TICAM2: variants seen among roughly 807,000 people sequenced by gnomAD.
The protein encoded by TICAM2 is TIR domain containing adaptor molecule 2.
Under a neutral mutation model 7.3 loss-of-function variants are expected in TICAM2, and 8 were observed. The observed-to-expected ratio is 1.10, with a 90% CI of 0.65 to 1.99. TICAM2 has a LOEUF of 1.99. Ranked by LOEUF, TICAM2 falls within the 30% of genes most tolerant of loss-of-function variation. TICAM2 has a pLI of 0.00. For synonymous variants in TICAM2, 113 were observed against 99.6 expected (o/e 1.13, Z -0.80); for missense variants, 304 against 278.8 (o/e 1.09, Z -0.65).
chr5:115,582,078 C>T (rs1270420725), intron 1 of TICAM2, among the ~76,000 whole-genome samples: 1 of 152,158 alleles, frequency 6.6e-6, no homozygotes. Context: ...AGACTTGAGA[C>T]TTTCTCCAGT....
chr5:115,582,498 A>G (rs1754965795), intron 1 of TICAM2, among the ~76,000 whole-genome samples: 1 of 152,098 alleles, frequency 6.6e-6, no homozygotes, highest in Non-Finnish European at 1.5e-5. Context: ...ATTTAAAAAA[A>G]TTCTAAATTC....
chr5:115,601,683 A>G (rs1755750247), intron 1 of TICAM2, among the ~76,000 whole-genome samples: 1 of 152,188 alleles, frequency 6.6e-6, no homozygotes, highest in South Asian at 2.1e-4. Flanking sequence ...CAGTCAAATT[A>G]TTTTTATCCA....
intron 1 of TICAM2, among the ~76,000 whole-genome samples, chr5:115,595,902 C>A (rs1452522588): frequency 6.6e-6 from 1 of 152,190 alleles, no homozygotes; most frequent in African/African-American, 2.4e-5. Flanking sequence ...GAATTAAGTA[C>A]TCATCCTCTG....
At chr5:115,586,700 A>G (rs1755119183) in intron 1 of TICAM2, among the ~76,000 whole-genome samples, 1 of 152,200 alleles carries the variant, frequency 6.6e-6, no homozygotes, top group African/African-American at 2.4e-5. Context: ...TTTTTCGTTC[A>G]TATCTGAACA....
chr5:115,584,257 A>T (rs908940363), intron 1 of TICAM2, among the ~76,000 whole-genome samples: 1 of 152,208 alleles, frequency 6.6e-6, no homozygotes, highest in Admixed American at 6.5e-5. Context: ...ATCATTATTC[A>T]TATGTATACA....
chr5:115,593,746 T>C (rs1008008070), intron 1 of TICAM2, among the ~76,000 whole-genome samples: 1 of 152,212 alleles, frequency 6.6e-6, no homozygotes, highest in Admixed American at 6.5e-5. Flanking sequence ...ATGGGAGGAC[T>C]TGTTCTATTG....
chr5:115,590,056 G>A (rs1179111463), intron 1 of TICAM2, among the ~76,000 whole-genome samples: 1 of 152,112 alleles, frequency 6.6e-6, no homozygotes, highest in African/African-American at 2.4e-5. Context: ...AAATAATTAT[G>A]TGAATATAGG....
Position 115,580,601 on chromosome 5 carries a change from T to G in TICAM2, c.656A>C (p.Gln219Pro). 6.3e-7 allele frequency: 1 copy of G among 1,599,438 alleles called. No homozygotes were observed. Among genetic ancestry groups the G allele is most frequent in the Non-Finnish European group, 8.5e-7 (1 of 1,175,948 alleles). Residue 219 changes from glutamine to proline, a missense_variant, in exon 2 of 2, where the codon CAA becomes CCA. Coordinates refer to ENST00000427199, the MANE Select transcript of TICAM2 (RefSeq NM_021649.7). Reference protein sequence around the residue: ...IFQESVYKTQQTIWKETRNMV... With the variant: ...IFQESVYKTQPTIWKETRNMV... Reference sequence around the variant, plus strand: ...ATTTCTTGTCTCTTTCCATATAGTTTGTTGTGTCTTATACACAGACTCCTG... The same window carrying G: ...ATTTCTTGTCTCTTTCCATATAGTTGGTTGTGTCTTATACACAGACTCCTG...
chr5:115,590,410 C>T (rs1372516879), intron 1 of TICAM2, among the ~76,000 whole-genome samples: 1 of 152,106 alleles, frequency 6.6e-6, no homozygotes, highest in African/African-American at 2.4e-5. Flanking sequence ...CATTATCTAA[C>T]TATGAAGAAA....
In TICAM2 at chr5:115,584,534, T is replaced by A. The variant is rs540295578; in HGVS notation, c.-59-3219A>T. The stretch of plus-strand genomic sequence containing the variant: ...GTGTGCAAGTTTATCTATAGAACAA[T>A]TCCCCCAATGGGATTTCCATTTGTA... On this transcript the variant is annotated intron_variant, in intron 1 of 1. Coordinates refer to ENST00000427199, the MANE Select transcript of TICAM2 (RefSeq NM_021649.7). 8.5e-5 allele frequency among the ~76,000 whole-genome samples: 13 copies of A among 152,312 alleles called. No homozygotes were observed. The East Asian group carries it at 2.5e-3, about 29-fold the overall frequency.
At chr5:115,592,567 C>T (rs1217598882) in intron 1 of TICAM2, among the ~76,000 whole-genome samples, 1 of 151,798 alleles carries the variant, frequency 6.6e-6, no homozygotes, top group African/African-American at 2.4e-5. Flanking sequence ...AATCCAGGTT[C>T]AAATAGTAGC....
At chr5:115,598,162 T>C (rs1412307333) in intron 1 of TICAM2, among the ~76,000 whole-genome samples, 2 of 152,190 alleles carry the variant, frequency 1.3e-5, no homozygotes, top group Non-Finnish European at 2.9e-5. Context: ...AGGTCAATAA[T>C]TGTCAACAAT....
At chr5:115,598,948 G>A (rs952254184) in intron 1 of TICAM2, among the ~76,000 whole-genome samples, 2 of 151,810 alleles carry the variant, frequency 1.3e-5, no homozygotes, top group African/African-American at 4.8e-5. Flanking sequence ...GAGAACTGGA[G>A]CCAGATGCAG....
intron 1 of TICAM2, 96 bp downstream of exon 1, chr5:115,602,001 G>C (rs1044560581): frequency 6.6e-6 from 1 of 152,130 alleles, no homozygotes; most frequent in African/African-American, 2.4e-5. Context: ...TAGCGCAGGC[G>C]GCCTGGCCCC....
intron 1 of TICAM2, among the ~76,000 whole-genome samples, chr5:115,585,789 A>G (rs756032317): frequency 1.3e-5 from 2 of 152,198 alleles, no homozygotes; most frequent in Non-Finnish European, 2.9e-5. Flanking sequence ...TGATCTGACT[A>G]GTTTTCACAG....
At chr5:115,600,184 G>A (rs1332337695) in intron 1 of TICAM2, among the ~76,000 whole-genome samples, 1 of 152,170 alleles carries the variant, frequency 6.6e-6, no homozygotes, top group African/African-American at 2.4e-5. Flanking sequence ...GCTGTTTATT[G>A]AGATAAGGGA....
chr5:115,586,086 T>C (rs576261772), intron 1 of TICAM2, among the ~76,000 whole-genome samples: 3 of 152,304 alleles, frequency 2.0e-5, no homozygotes, highest in Admixed American at 6.5e-5. Flanking sequence ...TTGGCCTTTA[T>C]CTTTGTATAG....
chr5:115,589,794 G>A (rs1038434539), intron 1 of TICAM2, among the ~76,000 whole-genome samples: 2 of 152,106 alleles, frequency 1.3e-5, no homozygotes, highest in Non-Finnish European at 1.5e-5. Context: ...TCAGAACAAC[G>A]ATCAACTTGT....
chr5:115,589,861 T>C (rs1268512453), intron 1 of TICAM2, among the ~76,000 whole-genome samples: 1 of 152,222 alleles, frequency 6.6e-6, no homozygotes, highest in African/African-American at 2.4e-5. Context: ...AAGAAATGCT[T>C]TGTGAATGAA....
Sources: allele counts gnomAD v4.1 joint callset (sites outside exome capture counted in the v4.1 genomes callset), GRCh38; gene constraint gnomAD v4.1.1; transcripts MANE v1.5; gene names NCBI Gene and HGNC (gene_info 2026-07-23, HGNC 2026-07-21).